The following SCARA5 variants were observed in gnomAD, a reference collection of about 807,000 sequenced individuals.
SCARA5 encodes scavenger receptor class A member 5.
In SCARA5, 45 loss-of-function variants were observed where a neutral mutation model predicts 46.3. The observed-to-expected ratio is 0.97, with a 90% confidence interval of 0.76 to 1.24. The LOEUF is 1.24. SCARA5 is among the 50% of genes most tolerant of loss of function. The probability of loss-of-function intolerance (pLI) is 0.00; values close to 1 mark genes in which losing one functional copy is unlikely to be tolerated. For missense variants in SCARA5, 680 were observed against 689.0 expected, an observed-to-expected ratio of 0.99 and a Z score of 0.15; for synonymous variants, 333 against 306.5, an observed-to-expected ratio of 1.09 and a Z score of -0.90.
At chr8:27,900,252 C>T (rs982150862) in intron 7 of SCARA5, among the ~76,000 whole-genome samples, 4 of 152,170 alleles carry the variant, frequency 2.6e-5, no homozygotes, top group Non-Finnish European at 5.9e-5. Flanking sequence ...CAGATTCTCC[C>T]GGGCACCTGG....
At chr8:27,927,251 C>T (rs889170178) in intron 3 of SCARA5, among the ~76,000 whole-genome samples, 1 of 152,270 alleles carries the variant, frequency 6.6e-6, no homozygotes. Context: ...CAGCTCTGGG[C>T]CCTGCTCCCT....
At chr8:27,988,632 G>A (rs1019142164) in intron 1 of SCARA5, among the ~76,000 whole-genome samples, 4 of 152,350 alleles carry the variant, frequency 2.6e-5, no homozygotes, top group Non-Finnish European at 5.9e-5. Flanking sequence ...CTTATGTAAT[G>A]AGAAGAATCT....
chr8:27,964,228 C>T (rs989229190), intron 3 of SCARA5, among the ~76,000 whole-genome samples: 1 of 152,162 alleles, frequency 6.6e-6, no homozygotes, highest in Non-Finnish European at 1.5e-5. Context: ...CAAACCTCCC[C>T]CAGAGGCCAG....
At chr8:27,879,823 AG>A (rs36051623) in intron 7 of SCARA5, 57 bp from the exon 8 acceptor site, 2 of 1,563,890 alleles carry the variant, frequency 1.3e-6, no homozygotes. Flanking sequence ...ACCCGCCCCC[AG>A]GGGCCTTCTT....
At chr8:27,945,259 A>G (rs939859980) in intron 3 of SCARA5, among the ~76,000 whole-genome samples, 3 of 151,848 alleles carry the variant, frequency 2.0e-5, no homozygotes, top group African/African-American at 7.3e-5. Flanking sequence ...CTTATTCTCT[A>G]TGAACGTAAC....
chr8:27,985,447 T>A (rs1301526262), intron 2 of SCARA5, among the ~76,000 whole-genome samples: 3 of 152,206 alleles, frequency 2.0e-5, no homozygotes, highest in African/African-American at 7.2e-5. Flanking sequence ...ACCCGAGTTT[T>A]CACTCCTGCT....
intron 3 of SCARA5, among the ~76,000 whole-genome samples, chr8:27,952,328 G>A (rs921746346): frequency 1.7e-4 from 26 of 152,236 alleles, no homozygotes; most frequent in South Asian, 1.2e-3. Context: ...AAAGCCACCC[G>A]GTTTGAGGTA....
At chr8:27,901,383 T>C (rs545596998) in intron 7 of SCARA5, among the ~76,000 whole-genome samples, 67 of 152,276 alleles carry the variant, frequency 4.4e-4, no homozygotes, top group Non-Finnish European at 8.4e-4. Context: ...TGTTGGCTTG[T>C]GGAGGAGGGT....
intron 7 of SCARA5, among the ~76,000 whole-genome samples, chr8:27,894,895 G>A (rs1445724955): frequency 6.6e-6 from 1 of 152,214 alleles, no homozygotes; most frequent in African/African-American, 2.4e-5. Context: ...ATGAATGAGT[G>A]GGGCAATGAA....
intron 3 of SCARA5, among the ~76,000 whole-genome samples, chr8:27,941,766 C>G (rs926084896): frequency 6.6e-6 from 1 of 150,732 alleles, no homozygotes; most frequent in Non-Finnish European, 1.5e-5. Flanking sequence ...TCATTTTGTA[C>G]TCTTGACCAA....
rs2685397 is a variant in SCARA5, at chr8:27,969,961, G to T, written c.113-3419C>A. ...AGCCAGCCTTCAAAATAGCCCCCACGATCCCAGCACCTTCTGCAATCAACC... is the reference window on the plus strand; with the variant it reads ...AGCCAGCCTTCAAAATAGCCCCCACTATCCCAGCACCTTCTGCAATCAACC... On this transcript the variant is annotated intron_variant, in intron 2 of 8. Transcript: ENST00000354914. Among the ~76,000 whole-genome samples the T allele has an allele frequency of 8.6e-5, 13 of 151,584 alleles. No individual in the cohort carries two copies. In the South Asian group the frequency reaches 1.5e-3, roughly 17 times the overall value.
intron 7 of SCARA5, among the ~76,000 whole-genome samples, chr8:27,888,869 G>C (rs1004875654): frequency 1.2e-4 from 18 of 152,206 alleles, no homozygotes; most frequent in Non-Finnish European, 2.2e-4. Context: ...AGGGAACACA[G>C]GGCAGGAGAC....
chr8:27,939,765 A>C (rs1482111961), intron 3 of SCARA5, among the ~76,000 whole-genome samples: 1 of 152,150 alleles, frequency 6.6e-6, no homozygotes, highest in Admixed American at 6.5e-5. Flanking sequence ...GTTTCATGGG[A>C]TCCTCTGAGG....
At chr8:27,892,038 T>C (rs1396190831) in intron 7 of SCARA5, among the ~76,000 whole-genome samples, 3 of 152,216 alleles carry the variant, frequency 2.0e-5, no homozygotes, top group Admixed American at 2.0e-4. Flanking sequence ...CGTGAATCAT[T>C]GGCCTGACTC....
At chr8:27,924,943 C>A (rs1439412314) in intron 3 of SCARA5, among the ~76,000 whole-genome samples, 2 of 152,078 alleles carry the variant, frequency 1.3e-5, no homozygotes, top group Non-Finnish European at 2.9e-5. Flanking sequence ...ATGTGAAGGA[C>A]CTCTTCAAGG....
chr8:27,886,022 C>T lies in SCARA5; in HGVS notation c.1154-6256G>A, dbSNP rs151086822. On this transcript the variant is annotated intron_variant, in intron 7 of 8. Transcript: ENST00000354914. ...TGGCCCATGCTTACCATGCATTGAG[C>T]AAAGTCATGGCCTGCAGGGCTCCTA... 351 of 154,904 alleles carry T rather than the reference C, an allele frequency of 2.3e-3. 1 individual carries two copies. The highest frequency in any genetic ancestry group is 4.1e-3 in the Non-Finnish European group (281 of 68,210). 9.6% of individuals were successfully genotyped at this position (154,904 alleles called of 1,614,324 possible).
At chr8:27,973,184 A>G (rs1056920772) in intron 2 of SCARA5, among the ~76,000 whole-genome samples, 1 of 152,208 alleles carries the variant, frequency 6.6e-6, no homozygotes, top group African/African-American at 2.4e-5. Flanking sequence ...GTCTGAAAAA[A>G]TAAAAGCTGG....
intron 3 of SCARA5, among the ~76,000 whole-genome samples, chr8:27,953,207 A>T (rs950294678): frequency 6.6e-6 from 1 of 152,204 alleles, no homozygotes. Context: ...CTCTCAAAAG[A>T]TCAGGAAAAG....
Position 27,899,643 on chromosome 8 carries a change from C to T in SCARA5, c.1153+5135G>A, listed in dbSNP as rs531020455. Among the ~76,000 whole-genome samples the T allele has an allele frequency of 2.0e-4, 30 of 152,350 alleles. 1 individual carries two copies. In the South Asian group the frequency reaches 6.2e-3, roughly 32 times the overall value. On this transcript the variant is annotated intron_variant, in intron 7 of 8. Transcript: ENST00000354914. The stretch of plus-strand genomic sequence containing the variant: ...GCTTCCTAGTGCCCAGAGGCTCAAG[C>T]CTAAACTCCTGACCACTGCAATGCC...
Sources: gnomAD v4.1 joint callset for allele counts (sites outside exome capture counted in the v4.1 genomes callset) on GRCh38, gnomAD v4.1.1 for gene constraint, MANE v1.5 for transcripts, NCBI Gene and HGNC (gene_info 2026-07-23, HGNC 2026-07-21) for gene names.